The following PTPN13 variants were observed in gnomAD, a reference collection of about 807,000 sequenced individuals.
The protein encoded by PTPN13 is tyrosine-protein phosphatase non-receptor type 13.
A neutral mutation model predicts 284.0 loss-of-function variants in PTPN13; 191 were observed. The observed-to-expected ratio is 0.67, with a 90% CI of 0.60 to 0.76. The LOEUF (loss-of-function observed/expected upper bound fraction) is 0.76, where lower values mean the gene tolerates loss of function less well. Among genes scored for constraint, PTPN13 ranks in the 30% least tolerant of loss-of-function variants. The pLI is 0.00. For missense variants in PTPN13, 2,797 were observed against 2,939.9 expected, an observed-to-expected ratio of 0.95 and a Z score of 1.12; for synonymous variants, 986 against 1,022.3, an observed-to-expected ratio of 0.96 and a Z score of 0.68.
intron 42 of PTPN13, 121 bp from the exon 43 acceptor site, chr4:86,803,586 CTA>C: frequency 9.4e-7 from 1 of 1,061,746 alleles, no homozygotes; most frequent in South Asian, 1.5e-5. Context: ...GAACAAGATT[CTA>C]TCTCTAAATA....
chr4:86,596,247 T>C (rs1763779129), intron 1 of PTPN13, among the ~76,000 whole-genome samples: 1 of 152,222 alleles, frequency 6.6e-6, no homozygotes, highest in Admixed American at 6.5e-5. Flanking sequence ...TTTTTCACTT[T>C]TACAATTAGA....
chr4:86,597,713 T>C (rs1208414295), intron 1 of PTPN13, among the ~76,000 whole-genome samples: 1 of 152,218 alleles, frequency 6.6e-6, no homozygotes, highest in Non-Finnish European at 1.5e-5. Context: ...CCCAAGAATG[T>C]GTGACTGTCA....
intron 10 of PTPN13, among the ~76,000 whole-genome samples, chr4:86,727,479 C>T (rs1030024560): frequency 6.7e-6 from 1 of 149,372 alleles, no homozygotes; most frequent in Non-Finnish European, 1.5e-5. Flanking sequence ...TAATTATTGC[C>T]TCAATTTCAG....
rs150360795 is a variant in PTPN13, at chr4:86,640,235, A to G, written c.115+4864A>G. Among the ~76,000 whole-genome samples, 195 of 152,340 alleles carry G rather than the reference A, an allele frequency of 1.3e-3. 4 individuals are homozygous for G. The highest frequency in any genetic ancestry group is 4.5e-3 in the African/African-American group (187 of 41,576). ...TAAAGAAAATTTATTCATTTAATCT[A>G]ATATCACTTAACCAAAAATCTGGGT... is the stretch of plus-strand genomic sequence containing the variant. On this transcript the variant is annotated intron_variant, in intron 2 of 47. Coordinates refer to ENST00000411767, the MANE Select transcript of PTPN13 (RefSeq NM_080683.3).
At chr4:86,641,668 T>A (rs1307068233) in intron 2 of PTPN13, among the ~76,000 whole-genome samples, 2 of 152,140 alleles carry the variant, frequency 1.3e-5, no homozygotes, top group Non-Finnish European at 2.9e-5. Flanking sequence ...AATTCTAACA[T>A]GTAGATGAAG....
At chr4:86,665,698 CTAATA>C (rs1369950046) in intron 2 of PTPN13, among the ~76,000 whole-genome samples, 1 of 152,116 alleles carries the variant, frequency 6.6e-6, no homozygotes, top group Admixed American at 6.5e-5. Flanking sequence ...ATTTGTATTT[CTAATA>C]TTTTTTTCTA....
intron 17 of PTPN13, among the ~76,000 whole-genome samples, chr4:86,749,310 TTCA>T (rs748716956): frequency 2.4e-3 from 363 of 151,190 alleles, no homozygotes; most frequent in Middle Eastern, 3.4e-3. Flanking sequence ...TTTCTTCATC[TTCA>T]TCATCATCAT....
chr4:86,786,157 A>G (rs941501398), intron 40 of PTPN13, among the ~76,000 whole-genome samples: 1 of 152,284 alleles, frequency 6.6e-6, no homozygotes, highest in Non-Finnish European at 1.5e-5. Flanking sequence ...AGAAAAAAAA[A>G]CAATTAGTTT....
At position 86,701,414 on chromosome 4, in the gene PTPN13, A is replaced by C. The variant is rs1275026116; in HGVS notation, c.808A>C (p.Asn270His). 1 of 1,613,810 alleles carries C rather than the reference A, an allele frequency of 6.2e-7. No homozygotes were observed. The highest frequency in any genetic ancestry group is 1.7e-5 in the Admixed American group (1 of 59,992). ...SDNSGREDSE[N>H]TFSPYQFKTS... ...TAATTCTGGACGTGAAGATTCTGAA[A>C]ATACATTCTCCCCTTACCAGTTCAA... is the stretch of plus-strand genomic sequence containing the variant. Residue 270 changes from asparagine to histidine, a missense_variant, in exon 7 of 48, where the codon AAT (asparagine) becomes CAT (histidine). By Grantham distance (68) the Asn-to-His change is moderately conservative. Transcript: ENST00000411767.
At chr4:86,708,199 G>A (rs762376314) in intron 7 of PTPN13, among the ~76,000 whole-genome samples, 2 of 152,154 alleles carry the variant, frequency 1.3e-5, no homozygotes, top group Admixed American at 1.3e-4. Flanking sequence ...CATGTGGCTA[G>A]TAGTCACCAT....
At chr4:86,709,076 CACACACACACAA>C (rs915833737) in intron 7 of PTPN13, among the ~76,000 whole-genome samples, 3 of 152,044 alleles carry the variant, frequency 2.0e-5, no homozygotes, top group Non-Finnish European at 4.4e-5. Context: ...CACATACACA[CACACACACACAA>C]ACACACACTT....
intron 2 of PTPN13, among the ~76,000 whole-genome samples, chr4:86,668,041 A>G (rs1050314319): frequency 1.6e-4 from 25 of 152,204 alleles, no homozygotes; most frequent in African/African-American, 5.5e-4. Flanking sequence ...AGGTGTTTGC[A>G]TATCAAATTT....
chr4:86,648,561 A>G (rs1010871111), intron 2 of PTPN13, among the ~76,000 whole-genome samples: 2 of 152,048 alleles, frequency 1.3e-5, no homozygotes, highest in African/African-American at 4.8e-5. Flanking sequence ...AAAGGATTTT[A>G]TTCTTTTAAT....
chr4:86,803,386 T>G (rs1015961449), intron 42 of PTPN13, among the ~76,000 whole-genome samples: 3 of 149,714 alleles, frequency 2.0e-5, no homozygotes, highest in East Asian at 3.9e-4. Flanking sequence ...AGGCCAGGAG[T>G]TCAAGACCAG....
At chr4:86,791,243 A>C (rs1043192000) in intron 40 of PTPN13, among the ~76,000 whole-genome samples, 1 of 152,226 alleles carries the variant, frequency 6.6e-6, no homozygotes. Flanking sequence ...GCTCACTGCC[A>C]GCGCAGCAGT....
chr4:86,613,049 TA>T (rs1428969584), intron 1 of PTPN13, among the ~76,000 whole-genome samples: 1 of 152,204 alleles, frequency 6.6e-6, no homozygotes, highest in African/African-American at 2.4e-5. Context: ...AAATGCTAAC[TA>T]CATCAATAAA....
intron 7 of PTPN13, among the ~76,000 whole-genome samples, chr4:86,704,431 T>C (rs1284931613): frequency 1.3e-5 from 2 of 152,174 alleles, no homozygotes; most frequent in East Asian, 3.8e-4. Context: ...TCATTACCAA[T>C]AACAAAATAT....
chr4:86,766,372 C>A, intron 26 of PTPN13, 60 bp from the exon 27 acceptor site: 1 of 1,321,984 alleles, frequency 7.6e-7, no homozygotes, highest in Admixed American at 2.3e-5. Context: ...GAAATAAGAC[C>A]ATAAGATTTA....
intron 19 of PTPN13, 21 bp downstream of exon 19, chr4:86,751,145 C>A: frequency 6.7e-7 from 1 of 1,485,448 alleles, no homozygotes; most frequent in South Asian, 1.2e-5. Context: ...ACAAGCTTAC[C>A]TTCTTTGTCC....
Sources: allele counts gnomAD v4.1 joint callset (sites outside exome capture counted in the v4.1 genomes callset), GRCh38; gene constraint gnomAD v4.1.1; transcripts MANE v1.5; gene names NCBI Gene and HGNC (gene_info 2026-07-23, HGNC 2026-07-21).